The following SBNO1 variants were observed in gnomAD, a reference collection of about 807,000 sequenced individuals.
SBNO1 encodes strawberry notch homolog 1.
In SBNO1, 23 loss-of-function variants were observed where a neutral mutation model predicts 173.6. The ratio of observed to expected loss-of-function variants is 0.13; its 90% CI spans 0.10 to 0.19. The LOEUF is 0.19. SBNO1 is among the 10% of genes least tolerant of loss of function. SBNO1 has a pLI of 1.00. For synonymous variants in SBNO1, 632 were observed against 571.5 expected (o/e 1.11, Z -1.51); for missense variants, 1,238 against 1,671.2 (o/e 0.74, Z 4.52).
intron 14 of SBNO1, 143 bp downstream of exon 14, chr12:123,326,009 C>A: frequency 1.8e-6 from 1 of 557,474 alleles, no homozygotes; most frequent in Non-Finnish European, 3.0e-6. Context: ...GCAGGCATTG[C>A]TTTTATAATT....
chr12:123,333,698 A>G (rs1204640881), intron 7 of SBNO1, among the ~76,000 whole-genome samples: 1 of 151,932 alleles, frequency 6.6e-6, no homozygotes, highest in Admixed American at 6.6e-5. Flanking sequence ...ATGTTTCACC[A>G]TGTTACCCAG....
chr12:123,338,885 CACACCCCG>C (rs1354338848), intron 5 of SBNO1, among the ~76,000 whole-genome samples: 249 of 2,816 alleles, frequency 0.088, 3 homozygotes, highest in African/African-American at 0.26. Flanking sequence ...CACACACACA[CACACCCCG>C]ACACACACAC....
In SBNO1 at chr12:123,350,307, T is replaced by C. The variant is rs1361929931; in HGVS notation, c.132+3A>G. On this transcript the variant is annotated splice_donor_region_variant and intron_variant, in intron 2 of 31. Coordinates refer to ENST00000602398, the MANE Select transcript of SBNO1 (RefSeq NM_001167856.3). ...AGAAAGAGAGGCTTTGGAAAACTCT[T>C]ACCTGCTGAACTGACGGGGTAGGCA... is the stretch of plus-strand genomic sequence containing the variant. The C allele has an allele frequency of 1.9e-6, 3 of 1,613,360 alleles. No individual in the cohort carries two copies. Among genetic ancestry groups the C allele is most frequent in the African/African-American group, 1.3e-5 (1 of 74,852 alleles).
intron 1 of SBNO1, among the ~76,000 whole-genome samples, chr12:123,355,272 G>A (rs996790577): frequency 4.6e-5 from 7 of 152,140 alleles, no homozygotes; most frequent in African/African-American, 1.4e-4. Context: ...GCCCGCCTGG[G>A]CCTCCCAAAG....
At chr12:123,347,794 C>G (rs990679365) in intron 3 of SBNO1, among the ~76,000 whole-genome samples, 2 of 151,454 alleles carry the variant, frequency 1.3e-5, no homozygotes, top group Non-Finnish European at 2.9e-5. Context: ...CTTGGCCTCC[C>G]AAAGTGCCAG....
intron 21 of SBNO1, among the ~76,000 whole-genome samples, chr12:123,315,931 G>A (rs1869203347): frequency 6.6e-6 from 1 of 152,122 alleles, no homozygotes; most frequent in South Asian, 2.1e-4. Context: ...TTGGTCACAA[G>A]AACATGAAGA....
chr12:123,363,171 AAAAGT>A (rs569172554), intron 1 of SBNO1, among the ~76,000 whole-genome samples: 105 of 152,296 alleles, frequency 6.9e-4, no homozygotes, highest in African/African-American at 2.4e-3. Flanking sequence ...GCCAGAGAAA[AAAAGT>A]AAAGTCGTCT....
intron 6 of SBNO1, among the ~76,000 whole-genome samples, chr12:123,335,646 G>C (rs751426650): frequency 1.3e-5 from 2 of 152,184 alleles, no homozygotes; most frequent in African/African-American, 4.8e-5. Flanking sequence ...TGCTGCTGTA[G>C]TGTCAACGCA....
In SBNO1 at chr12:123,295,961, G is replaced by C. The variant is rs2048585558; in HGVS notation, c.4129C>G (p.Gln1377Glu). 2 of 1,613,268 alleles carry C rather than the reference G, an allele frequency of 1.2e-6. No homozygotes were observed. The highest frequency in any genetic ancestry group is 1.7e-6 in the Non-Finnish European group (2 of 1,179,336). Reference protein sequence around the residue: ...QSQQLAVQQKQLWQQHHPQSI... With the variant: ...QSQQLAVQQKELWQQHHPQSI... ...TGAGGGTGATGCTGTTGCCATAGCT[G>C]TTTCTGTTGGACCGCAAGCTGTTGA... The change falls in exon 32 of 32, where the codon CAG becomes GAG. Residue 1377 changes from glutamine (Q) to glutamate (E), a missense_variant. By Grantham distance (29) the Gln-to-Glu change is conservative. Around this residue, in one of 14 missense-constraint regions of SBNO1, gnomAD observed 351 missense variants for 420.3 expected, o/e 0.84. Coordinates refer to ENST00000602398, the MANE Select transcript of SBNO1 (RefSeq NM_001167856.3).
At position 123,322,577 on chromosome 12, in the gene SBNO1, G is replaced by T. The variant is rs374287024; in HGVS notation, c.2126-845C>A. ...CTCCCAAAAAGCTGGGATTACAGGCGTGAGCCACTGTGCCCGGCGAGAAGT... is the reference window on the plus strand; with the variant it reads ...CTCCCAAAAAGCTGGGATTACAGGCTTGAGCCACTGTGCCCGGCGAGAAGT... On this transcript the variant is annotated intron_variant, in intron 16 of 31. Coordinates refer to ENST00000602398, the MANE Select transcript of SBNO1 (RefSeq NM_001167856.3). Among the ~76,000 whole-genome samples the T allele has an allele frequency of 1.3e-3, 202 of 152,058 alleles. 2 individuals carry two copies. The South Asian group carries it at 0.024, about 18-fold the overall frequency.
chr12:123,319,774 A>T, intron 20 of SBNO1, 126 bp downstream of exon 20: 1 of 810,066 alleles, frequency 1.2e-6, no homozygotes, highest in Non-Finnish European at 2.0e-6. Flanking sequence ...TACAATTACT[A>T]AAAAATACAG....
At chr12:123,299,834 T>C (rs1474862884) in intron 30 of SBNO1, among the ~76,000 whole-genome samples, 5 of 151,852 alleles carry the variant, frequency 3.3e-5, no homozygotes, top group African/African-American at 4.8e-5. Context: ...GCCCTCTGTT[T>C]AAAAAAGAAA....
At chr12:123,313,281 AAAAAT>A (rs1483122429) in intron 24 of SBNO1, among the ~76,000 whole-genome samples, 11 of 149,916 alleles carry the variant, frequency 7.3e-5, no homozygotes, top group Admixed American at 7.3e-4. Flanking sequence ...CGGTCTTAAA[AAAAAT>A]AAAATAAATA....
chr12:123,334,551 T>C (rs1425326656), intron 6 of SBNO1, among the ~76,000 whole-genome samples: 1 of 151,800 alleles, frequency 6.6e-6, no homozygotes, highest in Non-Finnish European at 1.5e-5. Flanking sequence ...CTACTAAAAA[T>C]ACAAAAATTA....
chr12:123,312,075 A>T (rs1209462798), intron 24 of SBNO1, among the ~76,000 whole-genome samples: 1 of 150,412 alleles, frequency 6.6e-6, no homozygotes, highest in African/African-American at 2.4e-5. Flanking sequence ...AAGTAAATCA[A>T]GGAATCTTTT....
intron 1 of SBNO1, among the ~76,000 whole-genome samples, chr12:123,354,290 A>T (rs1052269847): frequency 3.3e-5 from 5 of 152,198 alleles, no homozygotes; most frequent in African/African-American, 1.2e-4. Context: ...TGTTCAATTA[A>T]AATAAGTAAC....
At chr12:123,356,900 A>G (rs1314416409) in intron 1 of SBNO1, among the ~76,000 whole-genome samples, 1 of 152,234 alleles carries the variant, frequency 6.6e-6, no homozygotes, top group Non-Finnish European at 1.5e-5. Flanking sequence ...ACCTTAGCTA[A>G]TAACAAAAAG....
At chr12:123,330,138 G>T (rs1388218496) in intron 9 of SBNO1, among the ~76,000 whole-genome samples, 1 of 152,168 alleles carries the variant, frequency 6.6e-6, no homozygotes, top group East Asian at 1.9e-4. Context: ...AAAATTGAGA[G>T]AATCAACTGG....
At position 123,341,097 on chromosome 12, in the gene SBNO1, G is replaced by C. The variant is rs780428824; in HGVS notation, c.551-9C>G. ...ACCATTGCTTACATCAGCTGAGGAG[G>C]AAAAAGTCAAATTACATTTAGAAGA... On this transcript the variant is annotated splice_polypyrimidine_tract_variant and intron_variant, in intron 4 of 31. Transcript: ENST00000602398. 3 of 1,440,004 alleles carry C rather than the reference G, an allele frequency of 2.1e-6. No homozygotes were observed. In the African/African-American group the frequency reaches 4.4e-5, roughly 21 times the overall value. 89.2% of individuals were successfully genotyped at this position (1,440,004 alleles called of 1,614,324 possible).
Sources: gnomAD v4.1 joint callset for allele counts (sites outside exome capture counted in the v4.1 genomes callset) on GRCh38, gnomAD v4.1.1 for gene constraint, gnomAD v4.1.1 regional missense constraint, MANE v1.5 for transcripts, NCBI Gene and HGNC (gene_info 2026-07-23, HGNC 2026-07-21) for gene names.